Variants in CCDC91 observed in about 807,000 individuals in gnomAD.
The protein encoded by CCDC91 is coiled-coil domain-containing protein 91.
Under a neutral mutation model 63.2 loss-of-function variants are expected in CCDC91, and 48 were observed. The ratio of observed to expected loss-of-function variants is 0.76; its 90% CI spans 0.60 to 0.97. CCDC91 has a LOEUF of 0.97. Ranked by LOEUF, CCDC91 falls within the 50% of genes least tolerant of loss-of-function variation. CCDC91 has a pLI of 0.00. For synonymous variants in CCDC91, 167 were observed against 165.8 expected, an observed-to-expected ratio of 1.01 and a Z score of -0.06; for missense variants, 500 against 494.6, an observed-to-expected ratio of 1.01 and a Z score of -0.10.
At chr12:28,267,920 T>TA (rs374382700) in intron 3 of CCDC91, among the ~76,000 whole-genome samples, 30 of 67,332 alleles carry the variant, frequency 4.5e-4, no homozygotes, top group East Asian at 2.7e-3. Context: ...TATATAATTA[T>TA]TATAATTATA....
At chr12:28,500,585 A>T (rs1435146768) in intron 12 of CCDC91, among the ~76,000 whole-genome samples, 1 of 151,766 alleles carries the variant, frequency 6.6e-6, no homozygotes, top group African/African-American at 2.4e-5. Context: ...AGGCTCATAC[A>T]TAGCACCACA....
chr12:28,345,130 A>G (rs1942715296), intron 6 of CCDC91, among the ~76,000 whole-genome samples: 2 of 152,066 alleles, frequency 1.3e-5, no homozygotes, highest in Admixed American at 6.5e-5. Flanking sequence ...CCCCCTTCCC[A>G]TGGTATCTGC....
At chr12:28,252,979 CA>C (rs1375437852) in intron 1 of CCDC91, among the ~76,000 whole-genome samples, 2 of 152,102 alleles carry the variant, frequency 1.3e-5, no homozygotes, top group African/African-American at 4.8e-5. Context: ...CTGAGGCACA[CA>C]ATGTTTTAAG....
intron 7 of CCDC91, among the ~76,000 whole-genome samples, chr12:28,379,878 A>G (rs1394539711): frequency 6.6e-6 from 1 of 152,182 alleles, no homozygotes; most frequent in Non-Finnish European, 1.5e-5. Context: ...AGCACTATTC[A>G]CAATAGCAAA....
intron 1 of CCDC91, among the ~76,000 whole-genome samples, chr12:28,248,332 G>C (rs1488066651): frequency 6.6e-6 from 1 of 151,926 alleles, no homozygotes; most frequent in Admixed American, 6.5e-5. Context: ...TAGATCTGGA[G>C]CTCAGGAAAC....
rs192898473 is a variant in CCDC91, at chr12:28,497,791, C to A, written c.1215+13626C>A. ...AAAATTTAAATGTATACTTTTTATT[C>A]ATCTGTGGGGATATATGACATTTAA... On this transcript the variant is annotated intron_variant, in intron 12 of 12. Transcript: ENST00000536442. Among the ~76,000 whole-genome samples the A allele has an allele frequency of 1.8e-4, 28 of 151,628 alleles. 1 individual carries two copies. In the East Asian group the frequency reaches 5.5e-3, roughly 30 times the overall value.
chr12:28,358,503 C>G (rs548665113), intron 6 of CCDC91, among the ~76,000 whole-genome samples: 162 of 152,216 alleles, frequency 1.1e-3, no homozygotes, highest in Non-Finnish European at 1.8e-3. Context: ...TTTAAGTTAC[C>G]TATATTCAGT....
chr12:28,478,421 G>T (rs1951243020), intron 11 of CCDC91, among the ~76,000 whole-genome samples: 1 of 152,160 alleles, frequency 6.6e-6, no homozygotes. Flanking sequence ...GTAGAAAGCT[G>T]AAACTGGATC....
intron 6 of CCDC91, among the ~76,000 whole-genome samples, chr12:28,339,350 T>G (rs1264202231): frequency 6.6e-6 from 1 of 152,082 alleles, no homozygotes; most frequent in African/African-American, 2.4e-5. Flanking sequence ...AGAAGACTTT[T>G]AGTTATCCAG....
chr12:28,319,281 T>G (rs1040180839), intron 6 of CCDC91: 2 of 151,976 alleles, frequency 1.3e-5, no homozygotes, highest in African/African-American at 4.8e-5. Flanking sequence ...TTAGCATCAT[T>G]AAACAGATTT....
At chr12:28,374,123 G>T (rs1365566163) in intron 7 of CCDC91, among the ~76,000 whole-genome samples, 7 of 152,072 alleles carry the variant, frequency 4.6e-5, no homozygotes, top group African/African-American at 1.7e-4. Context: ...GGTTCCCCCT[G>T]CTAGCTCCTC....
chr12:28,223,888 T>A (rs567247220), intron 1 of CCDC91, among the ~76,000 whole-genome samples: 6 of 152,340 alleles, frequency 3.9e-5, no homozygotes, highest in African/African-American at 1.4e-4. Flanking sequence ...TGGAGAAAAT[T>A]ATTTCTCTTG....
At chr12:28,511,319 C>A (rs929833604) in intron 12 of CCDC91, among the ~76,000 whole-genome samples, 1 of 151,878 alleles carries the variant, frequency 6.6e-6, no homozygotes, top group Non-Finnish European at 1.5e-5. Flanking sequence ...CACGGCATTC[C>A]CATACATGAA....
intron 12 of CCDC91, among the ~76,000 whole-genome samples, chr12:28,505,889 T>C (rs1305672643): frequency 2.6e-5 from 4 of 152,018 alleles, no homozygotes; most frequent in Non-Finnish European, 5.9e-5. Flanking sequence ...CAAACAGAGA[T>C]GACTGCTTAA....
chr12:28,529,661 G>A lies in CCDC91; in HGVS notation c.1216-19402G>A, dbSNP rs187609268. On this transcript the variant is annotated intron_variant, in intron 12 of 12. Coordinates refer to ENST00000536442, the MANE Select transcript of CCDC91 (RefSeq NM_018318.5). ...AACAGGAATGTATGTGTAGACAAGGGCATATTTTTCAGTGAGACACGATAG... is the reference window on the plus strand; with the variant it reads ...AACAGGAATGTATGTGTAGACAAGGACATATTTTTCAGTGAGACACGATAG... Among the ~76,000 whole-genome samples, 372 of 152,222 alleles carry A rather than the reference G, an allele frequency of 2.4e-3. 6 individuals carry two copies. Among genetic ancestry groups the A allele is most frequent in the African/African-American group, 8.4e-3 (349 of 41,548 alleles).
intron 7 of CCDC91, among the ~76,000 whole-genome samples, chr12:28,367,126 C>A (rs531675931): frequency 6.6e-6 from 1 of 152,250 alleles, no homozygotes; most frequent in African/African-American, 2.4e-5. Context: ...AAAAGGACAA[C>A]AGATGCTGAA....
At chr12:28,537,044 G>A (rs954334665) in intron 12 of CCDC91, among the ~76,000 whole-genome samples, 5 of 152,096 alleles carry the variant, frequency 3.3e-5, no homozygotes, top group African/African-American at 1.2e-4. Flanking sequence ...ATGATTTTAA[G>A]TTGATTAGGA....
At position 28,394,711 on chromosome 12, in the gene CCDC91, G is replaced by GCTCTCTCTCTCTCTCTCTCTCTCT. The variant is rs151131648; in HGVS notation, c.762+3321_762+3322insTCTCTCTCTCTCTCTCTCTCTCTC. Among the ~76,000 whole-genome samples, 482 of 136,996 alleles carry GCTCTCTCTCTCTCTCTCTCTCTCT rather than the reference G, an allele frequency of 3.5e-3. 12 individuals carry two copies. The highest frequency in any genetic ancestry group is 7.9e-3 in the Middle Eastern group (2 of 252). The allele number at this position is 136,996 out of a possible 152,430, so 89.9% of individuals were successfully genotyped here. A position where few individuals can be genotyped will look rare whatever the true frequency, so the allele number is the denominator to read the frequency against. ...TTTGGTTCAACCTTTTCTGTTTCTT[G>GCTCTCTCTCTCTCTCTCTCTCTCT]CTCTCTCTCTCTCTCTCTCTCCCCC... is the stretch of plus-strand genomic sequence containing the variant. On this transcript the variant is annotated intron_variant, in intron 8 of 12. Transcript: ENST00000536442.
intron 12 of CCDC91, among the ~76,000 whole-genome samples, chr12:28,528,336 C>T (rs377353988): frequency 1.3e-5 from 2 of 152,292 alleles, no homozygotes; most frequent in African/African-American, 2.4e-5. Context: ...TTTCCCTTGG[C>T]TCTCTAAATT....
Sources: gnomAD v4.1 joint callset for allele counts (sites outside exome capture counted in the v4.1 genomes callset) on GRCh38, gnomAD v4.1.1 for gene constraint, MANE v1.5 for transcripts, NCBI Gene and HGNC (gene_info 2026-07-23, HGNC 2026-07-21) for gene names.